The following USP32 variants were observed in gnomAD, a reference collection of about 807,000 sequenced individuals.
USP32 encodes ubiquitin carboxyl-terminal hydrolase 32.
A neutral mutation model predicts 204.8 loss-of-function variants in USP32; 59 were observed. The observed-to-expected ratio is 0.29, with a 90% CI of 0.23 to 0.36. USP32 has a LOEUF of 0.36. USP32 is among the 10% of genes least tolerant of loss of function. The pLI is 1.00. For missense variants in USP32, 1,160 were observed against 1,946.4 expected (o/e 0.60, Z 7.60); for synonymous variants, 517 against 678.4 (o/e 0.76, Z 3.70).
intron 2 of USP32, among the ~76,000 whole-genome samples, chr17:60,340,548 T>C (rs2145990511): frequency 6.6e-6 from 1 of 152,366 alleles, no homozygotes; most frequent in South Asian, 2.1e-4. Flanking sequence ...CCCTTTATTT[T>C]GAGCCTATGT....
intron 9 of USP32, among the ~76,000 whole-genome samples, chr17:60,258,645 A>T (rs571152177): frequency 3.3e-5 from 5 of 152,316 alleles, no homozygotes; most frequent in African/African-American, 4.8e-5. Flanking sequence ...TTTCCTTTTT[A>T]AAAAATTAAA....
intron 2 of USP32, among the ~76,000 whole-genome samples, chr17:60,329,073 G>A (rs1489497683): frequency 2.0e-5 from 3 of 152,112 alleles, no homozygotes; most frequent in Non-Finnish European, 4.4e-5. Context: ...TGGCCAGAAA[G>A]GAGACACCCT....
intron 2 of USP32, among the ~76,000 whole-genome samples, chr17:60,314,718 A>C (rs2087932731): frequency 1.3e-5 from 2 of 152,302 alleles, no homozygotes; most frequent in South Asian, 4.1e-4. Flanking sequence ...TTGATGATAA[A>C]CCTACCAATC....
chr17:60,183,260 T>A lies in USP32; in HGVS notation c.4028A>T (p.Lys1343Met). Residue 1343 changes from lysine to methionine, a missense_variant, in exon 31 of 34, where the codon AAG (lysine) becomes ATG (methionine). Physicochemically the swap from Lys to Met is moderately conservative, Grantham distance 95 (BLOSUM62 -1). This residue lies in a region of USP32 where 244 missense variants were observed against 342.3 expected (regional missense o/e 0.71). Coordinates refer to ENST00000300896, the MANE Select transcript of USP32 (RefSeq NM_032582.4). ...SEPRILAREV[K>M]KVDAQSSAGE... Reference sequence around the variant, plus strand: ...AGCCGAACTCTGCGCATCCACTTTCTTCACCTCCCTTGCCAGAATCCTGGG... The same window carrying A: ...AGCCGAACTCTGCGCATCCACTTTCATCACCTCCCTTGCCAGAATCCTGGG... The A allele has an allele frequency of 6.2e-7, 1 of 1,613,990 alleles. No homozygotes were observed. Among genetic ancestry groups the A allele is most frequent in the Non-Finnish European group, 8.5e-7 (1 of 1,179,856 alleles).
upstream of USP32, chr17:60,392,664 C>T (rs1217655305): frequency 2.2e-6 from 1 of 446,172 alleles, no homozygotes; most frequent in Non-Finnish European, 4.5e-6. Flanking sequence ...AGCTCCCAAC[C>T]TTAGGGACGT....
chr17:60,214,739 C>G lies in USP32; in HGVS notation c.1903G>C (p.Val635Leu), dbSNP rs1182817453. The change falls in exon 17 of 34, where the codon GTA becomes CTA. Residue 635 changes from valine (V) to leucine (L), a missense_variant. Val to Leu is a conservative substitution (Grantham distance 32). This residue lies in a region of USP32 where 132 missense variants were observed against 432.8 expected (regional missense o/e 0.30). Coordinates refer to ENST00000300896, the MANE Select transcript of USP32 (RefSeq NM_032582.4). Reference sequence around the variant, plus strand: ...CTAAAACAGCCTGTATAGGCTAATACCCGCTTTAAAGGTGCATTCGGAGAA... The same window carrying G: ...CTAAAACAGCCTGTATAGGCTAATAGCCGCTTTAAAGGTGCATTCGGAGAA... ...VPSPNAPLKR[V>L]LAYTGCFSRM... 1 of 1,613,786 alleles carries G rather than the reference C, an allele frequency of 6.2e-7. No individual in the cohort carries two copies. Among genetic ancestry groups the G allele is most frequent in the African/African-American group, 1.3e-5 (1 of 74,906 alleles).
Position 60,236,227 on chromosome 17 carries a change from G to A in USP32, c.1150C>T (p.Arg384Ter), listed in dbSNP as rs1336887677. The change falls in exon 12 of 34, where the codon CGA becomes TGA. Residue 384 changes from arginine to a stop codon, truncating the protein, a stop_gained. Coordinates refer to ENST00000300896, the MANE Select transcript of USP32 (RefSeq NM_032582.4). LOFTEE classifies it high-confidence loss of function. ...EGQIIRGWLE[R>*]ESRYGLQAGH... ...GCTTGCAGACCATACCTGCTCTCTC[G>A]TTCTAACCATCCTCTGTATGTACAA... The A allele has an allele frequency of 1.9e-6, 3 of 1,613,474 alleles. No individual in the cohort carries two copies. The highest frequency in any genetic ancestry group is 2.5e-6 in the Non-Finnish European group (3 of 1,179,706).
chr17:60,307,233 G>A (rs1015842416), intron 2 of USP32, among the ~76,000 whole-genome samples: 1 of 151,848 alleles, frequency 6.6e-6, no homozygotes, highest in Non-Finnish European at 1.5e-5. Flanking sequence ...CCGAGTAGCT[G>A]GGATTACAGG....
intron 27 of USP32, among the ~76,000 whole-genome samples, chr17:60,197,574 A>G (rs1445198478): frequency 1.3e-5 from 2 of 152,268 alleles, no homozygotes; most frequent in Non-Finnish European, 2.9e-5. Context: ...ATTGCACTCC[A>G]ATCCGGGCAA....
intron 2 of USP32, among the ~76,000 whole-genome samples, chr17:60,326,433 C>T (rs1415276811): frequency 2.0e-5 from 3 of 152,122 alleles, no homozygotes; most frequent in South Asian, 2.1e-4. Flanking sequence ...GCCTCAGCCT[C>T]GCAAGTAGCT....
At chr17:60,190,791 C>A (rs2084360924) in intron 28 of USP32, 108 bp from the exon 29 acceptor site, 1 of 1,467,582 alleles carries the variant, frequency 6.8e-7, no homozygotes, top group Non-Finnish European at 9.0e-7. Context: ...CCTCTTGGGC[C>A]TCACAATTTG....
intron 2 of USP32, among the ~76,000 whole-genome samples, chr17:60,319,408 AAC>A (rs2088060176): frequency 6.6e-6 from 1 of 152,152 alleles, no homozygotes; most frequent in African/African-American, 2.4e-5. Context: ...AAAATTTTAA[AAC>A]ATAGTAAAAT....
chr17:60,292,336 T>A (rs908785544), intron 4 of USP32, among the ~76,000 whole-genome samples: 3 of 152,042 alleles, frequency 2.0e-5, no homozygotes, highest in African/African-American at 7.2e-5. Flanking sequence ...CAACAACAAA[T>A]CCTTTACTCC....
At chr17:60,196,812 G>A (rs192247967) in intron 27 of USP32, among the ~76,000 whole-genome samples, 72 of 151,106 alleles carry the variant, frequency 4.8e-4, no homozygotes, top group African/African-American at 1.6e-3. Flanking sequence ...GTGACAGAGC[G>A]AGACTCTGTG....
At chr17:60,421,463 G>A (rs1341186750) in intron 1 of USP32, 16 of 985,452 alleles carry the variant, frequency 1.6e-5, no homozygotes, top group East Asian at 1.1e-4. Flanking sequence ...GCACTGTCGC[G>A]AAGGCAGGCG....
intron 4 of USP32, among the ~76,000 whole-genome samples, chr17:60,293,165 T>C (rs191766035): frequency 1.4e-4 from 21 of 152,314 alleles, no homozygotes; most frequent in Non-Finnish European, 2.5e-4. Context: ...TCTACTTTAT[T>C]TTCCCCTATA....
chr17:60,211,159 T>C, intron 20 of USP32, 41 bp from the exon 21 acceptor site: 1 of 1,601,246 alleles, frequency 6.2e-7, no homozygotes. Flanking sequence ...AAGATTCTCA[T>C]AAATCACAAT....
chr17:60,337,404 C>A (rs59668882), intron 2 of USP32, among the ~76,000 whole-genome samples: 6,953 of 152,202 alleles, frequency 0.046, 571 homozygotes, highest in African/African-American at 0.16. Flanking sequence ...AAGCTAACTA[C>A]CTTCAGGTCT....
At position 60,180,613 on chromosome 17, in the gene USP32, C is replaced by T; in HGVS notation, c.4573G>A (p.Gly1525Ser). 1 of 1,613,442 alleles carries T rather than the reference C, an allele frequency of 6.2e-7. No homozygotes were observed. Among genetic ancestry groups the T allele is most frequent in the Non-Finnish European group, 8.5e-7 (1 of 1,179,704 alleles). ...TTTTTGGCATAAGTGACGTAATGGC[C>T]CCCACCCAGAATTCCTGAATGGCAC... ...ISCHSGILGG[G>S]HYVTYAKNPN... Residue 1525 changes from glycine (G) to serine (S), a missense_variant, in exon 33 of 34, where the codon GGC (glycine) becomes AGC (serine). Gly to Ser is a moderately conservative substitution (Grantham distance 56). Around this residue, in one of 8 missense-constraint regions of USP32, gnomAD observed 244 missense variants for 342.3 expected, o/e 0.71. Coordinates refer to ENST00000300896, the MANE Select transcript of USP32 (RefSeq NM_032582.4).
Sources: gnomAD v4.1 joint callset for allele counts (sites outside exome capture counted in the v4.1 genomes callset) on GRCh38, gnomAD v4.1.1 for gene constraint, gnomAD v4.1.1 regional missense constraint, MANE v1.5 for transcripts, NCBI Gene and HGNC (gene_info 2026-07-23, HGNC 2026-07-21) for gene names.